The following ELAPOR2 variants were observed in gnomAD, a reference collection of about 807,000 sequenced individuals.
ELAPOR2 encodes endosome/lysosome-associated apoptosis and autophagy regulator family member 2.
A neutral mutation model predicts 120.7 loss-of-function variants in ELAPOR2; 89 were observed. That is an observed-to-expected ratio of 0.74 (90% CI 0.62 to 0.88). The LOEUF is 0.88. Ranked by LOEUF, ELAPOR2 falls within the 40% of genes least tolerant of loss-of-function variation. The pLI is 0.00. For synonymous variants in ELAPOR2, 444 were observed against 444.9 expected (o/e 1.00, Z 0.03); for missense variants, 1,134 against 1,251.6 (o/e 0.91, Z 1.42).
intron 10 of ELAPOR2, among the ~76,000 whole-genome samples, chr7:86,921,365 G>A (rs1414032690): frequency 6.6e-6 from 1 of 152,104 alleles, no homozygotes; most frequent in Non-Finnish European, 1.5e-5. Flanking sequence ...CACACAGGGA[G>A]AGGATCATTT....
chr7:86,957,144 G>A (rs1435252951), intron 2 of ELAPOR2, among the ~76,000 whole-genome samples: 2 of 152,162 alleles, frequency 1.3e-5, no homozygotes, highest in Non-Finnish European at 2.9e-5. Context: ...CTCCCAATCT[G>A]ATTCATTCTA....
intron 21 of ELAPOR2, among the ~76,000 whole-genome samples, chr7:86,887,653 C>T (rs1008436617): frequency 3.3e-5 from 5 of 152,058 alleles, no homozygotes; most frequent in African/African-American, 4.8e-5. Context: ...AGGTATTCAG[C>T]GGACCTTCTA....
chr7:87,048,777 T>C (rs1426353515), intron 1 of ELAPOR2, among the ~76,000 whole-genome samples: 2 of 152,160 alleles, frequency 1.3e-5, no homozygotes, highest in African/African-American at 4.8e-5. Context: ...AAGTTAAAAA[T>C]TAAAAAATGT....
In ELAPOR2 at chr7:86,927,017, AT is replaced by A. The variant is rs978733632; in HGVS notation, c.1090-102del. On this transcript the variant is annotated intron_variant, in intron 8 of 21. Coordinates refer to ENST00000450689, the MANE Select transcript of ELAPOR2 (RefSeq NM_001142749.3). ...TAGGAAAAGTACAAATGGTGACAGAATAGAAGGGCCAGCTGACAGAATCTAA... is the reference window on the plus strand; with the variant it reads ...TAGGAAAAGTACAAATGGTGACAGAAAGAAGGGCCAGCTGACAGAATCTAA... 1.4e-4 allele frequency: 145 copies of A among 1,072,400 alleles called. 1 individual carries two copies. The East Asian group carries it at 3.9e-3, about 29-fold the overall frequency. The allele number at this position is 1,072,400 out of a possible 1,614,324, so 66.4% of individuals were successfully genotyped here.
chr7:86,925,510 G>T lies in ELAPOR2; in HGVS notation c.1399+18C>A. 6.2e-7 allele frequency: 1 copy of T among 1,609,908 alleles called. No individual in the cohort carries two copies. Among genetic ancestry groups the T allele is most frequent in the Non-Finnish European group, 8.5e-7 (1 of 1,177,204 alleles). On this transcript the variant is annotated intron_variant, in intron 10 of 21. Transcript: ENST00000450689. ...CTCTATTGCTGAAATACATCAAGTAGGCTGATTTTGAACTTACCATTCATT... is the reference window on the plus strand; with the variant it reads ...CTCTATTGCTGAAATACATCAAGTATGCTGATTTTGAACTTACCATTCATT...
chr7:87,015,835 T>C lies in ELAPOR2; in HGVS notation c.189+43490A>G, dbSNP rs546827940. 2.0e-5 allele frequency among the ~76,000 whole-genome samples: 3 copies of C among 152,282 alleles called. No individual in the cohort carries two copies. The East Asian group carries it at 5.8e-4, about 29-fold the overall frequency. ...GCAAAAAATATATATGTTTTTCTAA[T>C]GATAATGATATTCCTGTATTTCATA... On this transcript the variant is annotated intron_variant, in intron 1 of 21. Coordinates refer to ENST00000450689, the MANE Select transcript of ELAPOR2 (RefSeq NM_001142749.3).
intron 1 of ELAPOR2, among the ~76,000 whole-genome samples, chr7:87,053,395 A>G (rs142211798): frequency 1.9e-4 from 29 of 152,334 alleles, no homozygotes; most frequent in Non-Finnish European, 3.4e-4. Flanking sequence ...ACATTTGTGT[A>G]TTCAAAGCCT....
intron 1 of ELAPOR2, among the ~76,000 whole-genome samples, chr7:86,975,803 T>C (rs1792265387): frequency 6.6e-6 from 1 of 152,240 alleles, no homozygotes; most frequent in African/African-American, 2.4e-5. Flanking sequence ...GTAGTCTGAA[T>C]AAGAAAGTCA....
At chr7:86,950,546 G>C (rs1361238873) in intron 2 of ELAPOR2, among the ~76,000 whole-genome samples, 1 of 152,168 alleles carries the variant, frequency 6.6e-6, no homozygotes, top group East Asian at 1.9e-4. Flanking sequence ...GAAGCTGCTT[G>C]TGGCATGCTT....
At chr7:86,972,635 A>G (rs1367027151) in intron 1 of ELAPOR2, among the ~76,000 whole-genome samples, 1 of 151,254 alleles carries the variant, frequency 6.6e-6, no homozygotes, top group African/African-American at 2.4e-5. Flanking sequence ...CTATGTAAAC[A>G]GCTAAGTAAT....
chr7:86,946,528 G>A (rs1002957111), intron 3 of ELAPOR2, among the ~76,000 whole-genome samples: 51 of 152,050 alleles, frequency 3.4e-4, no homozygotes, highest in Non-Finnish European at 1.2e-4. Context: ...CTGGGATTAC[G>A]GGCACCTGCC....
At chr7:86,892,859 C>A (rs568090318) in intron 20 of ELAPOR2, 63 bp downstream of exon 20, 40 of 1,355,818 alleles carry the variant, frequency 3.0e-5, no homozygotes, top group Non-Finnish European at 3.9e-5. Context: ...ATGATCAAGT[C>A]TAGAATTTTC....
At chr7:86,902,325 C>T (rs561439786) in intron 18 of ELAPOR2, among the ~76,000 whole-genome samples, 78 of 152,092 alleles carry the variant, frequency 5.1e-4, no homozygotes, top group African/African-American at 1.6e-3. Flanking sequence ...TACAGGCGCC[C>T]GCCACAATGC....
intron 1 of ELAPOR2, among the ~76,000 whole-genome samples, chr7:86,993,984 T>C (rs1767694): frequency 0.38 from 57,520 of 152,020 alleles, 11,722 homozygotes; most frequent in African/African-American, 0.53. Flanking sequence ...CTTTGATCTC[T>C]TTGAGCCTTT....
intron 1 of ELAPOR2, among the ~76,000 whole-genome samples, chr7:87,042,691 A>T (rs901712177): frequency 6.6e-6 from 1 of 152,204 alleles, no homozygotes; most frequent in Non-Finnish European, 1.5e-5. Flanking sequence ...TAACATCACA[A>T]TTAAAACAAC....
chr7:86,880,524 C>T lies in ELAPOR2; in HGVS notation c.3037G>A (p.Glu1013Lys). Residue 1013 changes from glutamate to lysine, a missense_variant, in exon 22 of 22, where the codon GAA becomes AAA. Transcript: ENST00000450689. ...AGTTGAACAGATTCAAAATGGTCTT[C>T]TTTTTCCTAAGAAAAAATATTAAAG... ...KLKSLATKEK[E>K]DHFESVQLKT... 6.3e-7 allele frequency: 1 copy of T among 1,598,580 alleles called. No homozygotes were observed. Among genetic ancestry groups the T allele is most frequent in the Non-Finnish European group, 8.6e-7 (1 of 1,166,918 alleles).
chr7:87,017,214 A>G (rs574889079), intron 1 of ELAPOR2, among the ~76,000 whole-genome samples: 10 of 152,294 alleles, frequency 6.6e-5, no homozygotes, highest in Admixed American at 2.6e-4. Context: ...GATACACTCC[A>G]TTTTGGGGGA....
chr7:87,015,103 C>T (rs1439483796), intron 1 of ELAPOR2, among the ~76,000 whole-genome samples: 1 of 152,044 alleles, frequency 6.6e-6, no homozygotes, highest in Non-Finnish European at 1.5e-5. Flanking sequence ...AATAGAATGA[C>T]AGATTTATAT....
chr7:87,020,852 AT>A (rs961621891), intron 1 of ELAPOR2, among the ~76,000 whole-genome samples: 8 of 152,284 alleles, frequency 5.3e-5, no homozygotes, highest in African/African-American at 1.9e-4. Context: ...TTACCAAATC[AT>A]TTCAATCGCT....
Sources: gnomAD v4.1 joint callset for allele counts (sites outside exome capture counted in the v4.1 genomes callset) on GRCh38, gnomAD v4.1.1 for gene constraint, MANE v1.5 for transcripts, NCBI Gene and HGNC (gene_info 2026-07-23, HGNC 2026-07-21) for gene names.